Variants in TCP10L observed in about 807,000 individuals in gnomAD.
The protein encoded by TCP10L is t-complex 10 like, also known as T-complex protein 10A homolog 1.
A neutral mutation model predicts 19.2 loss-of-function variants in TCP10L; 11 were observed. That is an observed-to-expected ratio of 0.57 (90% CI 0.36 to 0.95). The LOEUF is 0.95. TCP10L is among the 40% of genes least tolerant of loss of function. TCP10L has a pLI of 0.01. For synonymous variants in TCP10L, 96 were observed against 97.2 expected (o/e 0.99, Z 0.07); for missense variants, 247 against 263.9 (o/e 0.94, Z 0.44).
chr21:32,576,175 G>C lies in TCP10L; in HGVS notation c.*599C>G. 8.4e-7 allele frequency: 1 copy of C among 1,183,486 alleles called. No homozygotes were observed. Among genetic ancestry groups the C allele is most frequent in the South Asian group, 1.4e-5 (1 of 71,300 alleles). The allele number at this position is 1,183,486 out of a possible 1,614,324, so 73.3% of individuals were successfully genotyped here. ...TCCACGAGAAAGCCCCGCATTTCAC[G>C]GGGAGCATAGAAACAGGAGTCCCCA... On this transcript the variant is annotated 3_prime_UTR_variant, in exon 5 of 5. Transcript: ENST00000300258.
Position 32,578,721 on chromosome 21 carries a change from C to T in TCP10L, c.471G>A (p.Ser157=), listed in dbSNP as rs371189889. The T allele has an allele frequency of 7.4e-6, 12 of 1,613,936 alleles. No individual in the cohort carries two copies. Among genetic ancestry groups the T allele is most frequent in the African/African-American group, 1.3e-5 (1 of 74,908 alleles). Reference sequence around the variant, plus strand: ...TTGGAGGAGCTGAATTGTTAGATGACGATCTTTGTCCCAGGAGAGTGGCAC... The same window carrying T: ...TTGGAGGAGCTGAATTGTTAGATGATGATCTTTGTCCCAGGAGAGTGGCAC... The part of the protein sequence containing the change: ...NQSATLLGQR[S]SSNNSAPPKP... Residue 157 remains serine (S), a synonymous_variant, in exon 4 of 5, where the codon TCG becomes TCA. Transcript: ENST00000300258. This position sits in a 1 kb window ranked among gnomAD's most constrained non-coding sequence, Gnocchi z 4.2.
At chr21:32,580,255 G>A (rs1429151330) in intron 3 of TCP10L, among the ~76,000 whole-genome samples, 1 of 151,700 alleles carries the variant, frequency 6.6e-6, no homozygotes, top group Non-Finnish European at 1.5e-5. Flanking sequence ...ATAGGCACCC[G>A]CCACCACACC....
At chr21:32,584,633 G>A (rs1037964688) in intron 1 of TCP10L, among the ~76,000 whole-genome samples, 2 of 152,144 alleles carry the variant, frequency 1.3e-5, no homozygotes, top group African/African-American at 4.8e-5. Flanking sequence ...TGGGATGTGA[G>A]TGGGTTGTGA....
At chr21:32,577,309 AG>A in intron 4 of TCP10L, 1 of 186,834 alleles carries the variant, frequency 5.4e-6, no homozygotes, top group East Asian at 1.6e-4. Flanking sequence ...TGATTAACTC[AG>A]GTCAATGATG....
chr21:32,580,632 AT>A (rs1330887019), intron 3 of TCP10L, among the ~76,000 whole-genome samples: 1 of 152,210 alleles, frequency 6.6e-6, no homozygotes. Flanking sequence ...ACTAAGAAAT[AT>A]CCCCACTTAC....
intron 3 of TCP10L, among the ~76,000 whole-genome samples, chr21:32,580,161 A>G (rs1348897205): frequency 6.6e-6 from 1 of 151,934 alleles, no homozygotes; most frequent in Non-Finnish European, 1.5e-5. Flanking sequence ...GCTGGAGTGC[A>G]GTGGCGCGAT....
chr21:32,575,893 A>T lies in TCP10L; in HGVS notation c.*881T>A, dbSNP rs985703278. ...GCAAATGGAGAAAGGGGAACAAAGC[A>T]CCCAAGTGCATCTAGCCCCAGCCAC... is the stretch of plus-strand genomic sequence containing the variant. On this transcript the variant is annotated 3_prime_UTR_variant, in exon 5 of 5. Coordinates refer to ENST00000300258, the MANE Select transcript of TCP10L (RefSeq NM_144659.7). 1 of 172,396 alleles carries T rather than the reference A, an allele frequency of 5.8e-6. No homozygotes were observed. Among genetic ancestry groups the T allele is most frequent in the Non-Finnish European group, 1.2e-5 (1 of 80,188 alleles). 10.7% of individuals were successfully genotyped at this position (172,396 alleles called of 1,614,324 possible).
intron 3 of TCP10L, among the ~76,000 whole-genome samples, chr21:32,581,803 G>A (rs902273662): frequency 1.3e-5 from 2 of 152,162 alleles, no homozygotes; most frequent in African/African-American, 2.4e-5. Flanking sequence ...TCTCCAGCCC[G>A]TGGCCACGAT....
intron 3 of TCP10L, among the ~76,000 whole-genome samples, chr21:32,580,393 A>G (rs1168624541): frequency 6.6e-6 from 1 of 151,692 alleles, no homozygotes; most frequent in Non-Finnish European, 1.5e-5. Context: ...GGTGTGAGCC[A>G]CCGCGCCCAG....
At chr21:32,579,879 C>G (rs1187006730) in intron 3 of TCP10L, among the ~76,000 whole-genome samples, 1 of 152,128 alleles carries the variant, frequency 6.6e-6, no homozygotes, top group East Asian at 1.9e-4. Context: ...GTGGCAATTT[C>G]CCCCACTCTT....
In TCP10L at chr21:32,582,056, G is replaced by T. The variant is rs1272644701; in HGVS notation, c.360+144C>A. ...TTATTAATCATTACTTACGGGAAATGGAGTTGATGGAAAGATAGCAACCCC... is the reference window on the plus strand; with the variant it reads ...TTATTAATCATTACTTACGGGAAATTGAGTTGATGGAAAGATAGCAACCCC... On this transcript the variant is annotated intron_variant, in intron 3 of 4. Coordinates refer to ENST00000300258, the MANE Select transcript of TCP10L (RefSeq NM_144659.7). The surrounding 1 kb of genome is among the most constrained non-coding windows in gnomAD (Gnocchi z 4.2). The T allele has an allele frequency of 2.4e-5, 21 of 866,188 alleles. No homozygotes were observed. Among genetic ancestry groups the T allele is most frequent in the Non-Finnish European group, 3.3e-5 (18 of 550,548 alleles). 53.7% of individuals were successfully genotyped at this position (866,188 alleles called of 1,614,324 possible).
rs1023698069 is a variant in TCP10L at position 32,582,609 on chromosome 21, T to C, written c.145-194A>G. Reference sequence around the variant, plus strand: ...TCCTTTCTTTCTTTCTTTTCTTTTCTTTTTTCAGGGTCTCACTCAGTCACT... The same window carrying C: ...TCCTTTCTTTCTTTCTTTTCTTTTCCTTTTTCAGGGTCTCACTCAGTCACT... On this transcript the variant is annotated intron_variant, in intron 2 of 4. Transcript: ENST00000300258. The surrounding 1 kb of genome is among the most constrained non-coding windows in gnomAD (Gnocchi z 4.2). Among the ~76,000 whole-genome samples, 1 of 152,204 alleles carries C rather than the reference T, an allele frequency of 6.6e-6. No individual in the cohort carries two copies. The highest frequency in any genetic ancestry group is 1.5e-5 in the Non-Finnish European group (1 of 68,034).
In TCP10L at chr21:32,582,331, T is replaced by C. The variant is rs2038504907; in HGVS notation, c.229A>G (p.Ser77Gly). ...TGCTCCCTCAAAGCATCTATATGAC[T>C]CCGGAGTTTTCCATGAACATCAGCC... ...LWADVHGKLR[S>G]HIDALREQNM... The change falls in exon 3 of 5, where the codon AGT (serine) becomes GGT (glycine). Residue 77 changes from serine to glycine, a missense_variant. By Grantham distance (56) the Ser-to-Gly change is moderately conservative. Coordinates refer to ENST00000300258, the MANE Select transcript of TCP10L (RefSeq NM_144659.7). This position sits in a 1 kb window ranked among gnomAD's most constrained non-coding sequence, Gnocchi z 4.2. The C allele has an allele frequency of 1.9e-6, 3 of 1,613,932 alleles. No individual in the cohort carries two copies. The highest frequency in any genetic ancestry group is 2.2e-5 in the East Asian group (1 of 44,882).
chr21:32,583,457 C>T (rs565298135), intron 2 of TCP10L, among the ~76,000 whole-genome samples: 58 of 150,796 alleles, frequency 3.8e-4, no homozygotes, highest in African/African-American at 1.3e-3. Context: ...GGCGTAGTGG[C>T]GGGCGCCTGT....
intron 1 of TCP10L, 54 bp from the exon 2 acceptor site, chr21:32,584,359 G>C (rs1250506002): frequency 6.4e-7 from 1 of 1,571,968 alleles, no homozygotes; most frequent in Admixed American, 1.8e-5. Flanking sequence ...CTCCTACCCC[G>C]TCAGTGTGGG....
intron 3 of TCP10L, among the ~76,000 whole-genome samples, chr21:32,580,116 GT>G (rs923906840): frequency 1.4e-4 from 22 of 151,994 alleles, no homozygotes; most frequent in Middle Eastern, 3.4e-3. Context: ...TGTTTGTTTT[GT>G]TTTTTTCAGA....
In TCP10L at chr21:32,582,127, A is replaced by AGC. The variant is rs1219111416; in HGVS notation, c.360+71_360+72dup. 6.5e-7 allele frequency: 1 copy of AGC among 1,536,202 alleles called. No homozygotes were observed. The highest frequency in any genetic ancestry group is 8.9e-7 in the Non-Finnish European group (1 of 1,125,264). Reference sequence around the variant, plus strand: ...GTGATACCGCGTCATTCAGCAATAAAGCCCACATCTTTATGGGGACGCTAT... The same window carrying AGC: ...GTGATACCGCGTCATTCAGCAATAAAGCGCCCACATCTTTATGGGGACGCTAT... On this transcript the variant is annotated intron_variant, in intron 3 of 4. Coordinates refer to ENST00000300258, the MANE Select transcript of TCP10L (RefSeq NM_144659.7). This position sits in a 1 kb window ranked among gnomAD's most constrained non-coding sequence, Gnocchi z 4.2.
At chr21:32,584,041 T>C in intron 2 of TCP10L, 120 bp downstream of exon 2, 1 of 1,345,434 alleles carries the variant, frequency 7.4e-7, no homozygotes, top group Non-Finnish European at 1.0e-6. Context: ...AGAATCAGTG[T>C]CCCGGGGTGG....
chr21:32,583,396 C>T (rs1304983008), intron 2 of TCP10L, among the ~76,000 whole-genome samples: 28 of 150,792 alleles, frequency 1.9e-4, no homozygotes, highest in African/African-American at 2.7e-4. Flanking sequence ...GAGACCATCC[C>T]GGCTAACACG....
Sources: allele counts gnomAD v4.1 joint callset (sites outside exome capture counted in the v4.1 genomes callset), GRCh38; gene constraint gnomAD v4.1.1; non-coding constraint Gnocchi (gnomAD v3.1); transcripts MANE v1.5; gene names NCBI Gene and HGNC (gene_info 2026-07-23, HGNC 2026-07-21).